RBFOX1: variants seen among roughly 807,000 people sequenced by gnomAD.
RBFOX1 encodes the protein RNA binding fox-1 homolog 1.
RBFOX1 carries 8 observed loss-of-function variants against 57.7 expected under a neutral mutation model. The ratio of observed to expected loss-of-function variants is 0.14; its 90% CI spans 0.08 to 0.25. The LOEUF is 0.25. Among genes scored for constraint, RBFOX1 ranks in the 10% least tolerant of loss-of-function variants. The pLI is 1.00. For missense variants in RBFOX1, 611 were observed against 548.5 expected, an observed-to-expected ratio of 1.11 and a Z score of -1.14; for synonymous variants, 326 against 222.4, an observed-to-expected ratio of 1.47 and a Z score of -4.15.
intron 1 of RBFOX1, among the ~76,000 whole-genome samples, chr16:5,438,462 G>C (rs1023303566): frequency 1.3e-5 from 2 of 152,156 alleles, no homozygotes; most frequent in Non-Finnish European, 2.9e-5. Context: ...GTGCTGTCTT[G>C]ACATCTTTGA....
chr16:5,941,170 A>G (rs1005615119), intron 4 of RBFOX1, among the ~76,000 whole-genome samples: 6 of 152,162 alleles, frequency 3.9e-5, no homozygotes, highest in African/African-American at 1.4e-4. Flanking sequence ...GTGTGGAGAA[A>G]GTCACTACAA....
chr16:6,120,984 G>C (rs767569869), intron 1 of RBFOX1, among the ~76,000 whole-genome samples: 15 of 152,138 alleles, frequency 9.9e-5, no homozygotes, highest in Non-Finnish European at 2.1e-4. Context: ...ATTTCCTAGA[G>C]TTTTCACACT....
At chr16:6,941,568 A>C (rs1352323046) in intron 3 of RBFOX1, among the ~76,000 whole-genome samples, 2 of 151,818 alleles carry the variant, frequency 1.3e-5, no homozygotes, top group African/African-American at 4.8e-5. Context: ...AGAGACTTGA[A>C]ATTCCAACAG....
chr16:5,529,718 C>T (rs529432307), intron 2 of RBFOX1, among the ~76,000 whole-genome samples: 154 of 152,166 alleles, frequency 1.0e-3, no homozygotes, highest in African/African-American at 3.6e-3. Context: ...AGGCTAGTGC[C>T]ACCACGCCTG....
intron 3 of RBFOX1, among the ~76,000 whole-genome samples, chr16:7,018,651 A>G (rs1205292073): frequency 3.3e-5 from 5 of 152,174 alleles, no homozygotes; most frequent in African/African-American, 1.2e-4. Flanking sequence ...AGGAATTGCC[A>G]CACTGTGTTC....
chr16:5,732,339 A>G (rs1284087245), intron 3 of RBFOX1, among the ~76,000 whole-genome samples: 3 of 152,230 alleles, frequency 2.0e-5, no homozygotes, highest in African/African-American at 4.8e-5. Context: ...TTAAAATTAC[A>G]GTAACCAACA....
At chr16:7,416,952 C>T (rs143361946) in intron 4 of RBFOX1, among the ~76,000 whole-genome samples, 1 of 152,114 alleles carries the variant, frequency 6.6e-6, no homozygotes, top group Admixed American at 6.5e-5. Context: ...AGTAATGTGT[C>T]CAAGAACTCA....
chr16:7,435,777 A>C (rs2098716774), intron 4 of RBFOX1, among the ~76,000 whole-genome samples: 2 of 152,336 alleles, frequency 1.3e-5, no homozygotes, highest in South Asian at 4.1e-4. Context: ...CCAGGCAAAC[A>C]TCACAGCCAC....
intron 3 of RBFOX1, among the ~76,000 whole-genome samples, chr16:5,845,800 G>A (rs886692996): frequency 2.6e-5 from 4 of 152,138 alleles, no homozygotes; most frequent in Non-Finnish European, 5.9e-5. Flanking sequence ...TTTCAGCATC[G>A]CAGAGAGGTC....
chr16:6,389,193 G>C (rs1433911188), intron 2 of RBFOX1, among the ~76,000 whole-genome samples: 4 of 152,160 alleles, frequency 2.6e-5, no homozygotes, highest in Non-Finnish European at 5.9e-5. Context: ...TTCAGAGGGA[G>C]AATTTCTTTT....
intron 1 of RBFOX1, among the ~76,000 whole-genome samples, chr16:5,348,088 C>G (rs190507576): frequency 1.3e-4 from 19 of 147,608 alleles, no homozygotes; most frequent in Non-Finnish European, 2.6e-4. Context: ...CTCACTCACC[C>G]ACTGTTCACC....
At chr16:6,948,193 A>T (rs372303881) in intron 3 of RBFOX1, among the ~76,000 whole-genome samples, 1 of 151,978 alleles carries the variant, frequency 6.6e-6, no homozygotes, top group Non-Finnish European at 1.5e-5. Context: ...GCACTTTGGG[A>T]GGCTGAGGTG....
At chr16:5,889,932 C>G (rs57007815) in intron 4 of RBFOX1, among the ~76,000 whole-genome samples, 8,890 of 152,302 alleles carry the variant, frequency 0.058, 296 homozygotes, top group African/African-American at 0.077. Context: ...AGGACGAAGA[C>G]TGGGCAAACA....
intron 2 of RBFOX1, among the ~76,000 whole-genome samples, chr16:6,546,487 T>C (rs9939603): frequency 0.13 from 19,193 of 152,110 alleles, 2,277 homozygotes; most frequent in East Asian, 0.38. Context: ...ACTCCTGGAG[T>C]AATGGCACTC....
chr16:5,833,515 A>G (rs2056356146), intron 3 of RBFOX1, among the ~76,000 whole-genome samples: 2 of 150,590 alleles, frequency 1.3e-5, no homozygotes, highest in South Asian at 2.1e-4. Flanking sequence ...AAAAAAAAAA[A>G]GAAAGAAATC....
At chr16:7,331,352 A>T (rs2096691878) in intron 4 of RBFOX1, among the ~76,000 whole-genome samples, 1 of 152,156 alleles carries the variant, frequency 6.6e-6, no homozygotes, top group Non-Finnish European at 1.5e-5. Context: ...TTCATTTTGA[A>T]GGTGATTTTC....
At chr16:6,505,496 C>G (rs1479459808) in intron 2 of RBFOX1, among the ~76,000 whole-genome samples, 3 of 152,124 alleles carry the variant, frequency 2.0e-5, no homozygotes, top group Non-Finnish European at 4.4e-5. Context: ...ATTAGGTATT[C>G]TCGAATGCAG....
chr16:6,350,496 A>C (rs901159156), intron 2 of RBFOX1, among the ~76,000 whole-genome samples: 5 of 125,196 alleles, frequency 4.0e-5, no homozygotes, highest in Middle Eastern at 4.1e-3. Context: ...AAAAAAAAAA[A>C]AAACAGTGTT....
chr16:6,987,197 G>C (rs926138294), intron 3 of RBFOX1, among the ~76,000 whole-genome samples: 2 of 152,042 alleles, frequency 1.3e-5, no homozygotes, highest in Admixed American at 6.6e-5. Flanking sequence ...GCCAAGTCTT[G>C]ATTACCCATA....
Sources: allele counts gnomAD v4.1 joint callset (sites outside exome capture counted in the v4.1 genomes callset), GRCh38; gene constraint gnomAD v4.1.1; transcripts MANE v1.5; gene names NCBI Gene and HGNC (gene_info 2026-07-23, HGNC 2026-07-21).